Variants in SPATA13 observed in about 807,000 individuals in gnomAD.
SPATA13 encodes the protein spermatogenesis-associated protein 13.
In SPATA13, 50 loss-of-function variants were observed where a neutral mutation model predicts 104.0. The observed-to-expected ratio is 0.48, with a 90% CI of 0.38 to 0.61. The LOEUF (loss-of-function observed/expected upper bound fraction) is 0.61. Ranked by LOEUF, SPATA13 falls within the 20% of genes least tolerant of loss-of-function variation. The pLI is 0.00. For synonymous variants in SPATA13, 606 were observed against 667.5 expected, an observed-to-expected ratio of 0.91 and a Z score of 1.42; for missense variants, 1,524 against 1,690.6, an observed-to-expected ratio of 0.90 and a Z score of 1.73.
chr13:24,016,257 C>G (rs1476402062), intron 2 of SPATA13, among the ~76,000 whole-genome samples: 3 of 152,156 alleles, frequency 2.0e-5, no homozygotes, highest in African/African-American at 7.2e-5. Context: ...CTGGAGTGCT[C>G]CATCCTCCAG....
chr13:24,234,079 T>C (rs1220600), intron 2 of SPATA13, among the ~76,000 whole-genome samples: 81,147 of 151,968 alleles, frequency 0.53, 22,062 homozygotes, highest in African/African-American at 0.63. Context: ...GGGAGGTAGA[T>C]GGAATCATAC....
chr13:24,231,078 C>T (rs994729411), intron 2 of SPATA13, among the ~76,000 whole-genome samples: 18 of 152,332 alleles, frequency 1.2e-4, no homozygotes, highest in Middle Eastern at 3.4e-3. Flanking sequence ...GGCTTCCCCA[C>T]GCCTTTTACC....
chr13:24,081,513 TA>T (rs553241190), intron 3 of SPATA13, among the ~76,000 whole-genome samples: 263 of 145,766 alleles, frequency 1.8e-3, no homozygotes, highest in African/African-American at 5.8e-3. Context: ...TATTTCTTAC[TA>T]AAAAAAAAAG....
chr13:24,302,643 C>G lies in SPATA13; in HGVS notation c.3704C>G (p.Pro1235Arg). 1 of 1,613,874 alleles carries G rather than the reference C, an allele frequency of 6.2e-7. No homozygotes were observed. The highest frequency in any genetic ancestry group is 8.5e-7 in the Non-Finnish European group (1 of 1,179,878). Residue 1235 changes from proline to arginine, a missense_variant, in exon 13 of 13, where the codon CCC (proline) becomes CGC (arginine). Around this residue, in one of 2 missense-constraint regions of SPATA13, gnomAD observed 435 missense variants for 554.8 expected, o/e 0.78. Coordinates refer to ENST00000382108, the MANE Select transcript of SPATA13 (RefSeq NM_001166271.3). The part of the protein sequence containing the change: ...PVAPPHQGLH[P>R]IHQRHITMPT... ...GCCCCACCGCACCAGGGCCTGCACC[C>G]CATCCACCAGCGCCACATCACTATG...
chr13:24,063,218 C>T (rs372857664), intron 3 of SPATA13, among the ~76,000 whole-genome samples: 1 of 152,284 alleles, frequency 6.6e-6, no homozygotes, highest in African/African-American at 2.4e-5. Context: ...GCGTCTGCCT[C>T]CTCCTTGCCA....
intron 1 of SPATA13, among the ~76,000 whole-genome samples, chr13:24,170,543 A>G (rs754870372): frequency 6.6e-6 from 1 of 152,156 alleles, no homozygotes; most frequent in Non-Finnish European, 1.5e-5. Context: ...GCTTTCGTGG[A>G]AAGTCTCCTG....
Position 24,161,518 on chromosome 13 carries a change from AGTTG to A in SPATA13, c.-112+590_-112+593del, listed in dbSNP as rs1882491566. On this transcript the variant is annotated intron_variant, in intron 1 of 12. Transcript: ENST00000382108. The surrounding 1 kb of genome is among the most constrained non-coding windows in gnomAD (Gnocchi z 4.5). ...TGGACTGCAGGGAATGCATTGGCGG[AGTTG>A]GTTTGGTCCCATTCTGTGCAGGAGG... is the stretch of plus-strand genomic sequence containing the variant. 6.6e-6 allele frequency among the ~76,000 whole-genome samples: 1 copy of A among 152,182 alleles called. No individual in the cohort carries two copies. Among genetic ancestry groups the A allele is most frequent in the African/African-American group, 2.4e-5 (1 of 41,436 alleles).
intron 3 of SPATA13, among the ~76,000 whole-genome samples, chr13:24,148,259 G>A (rs1240660348): frequency 6.6e-6 from 1 of 152,104 alleles, no homozygotes; most frequent in Non-Finnish European, 1.5e-5. Flanking sequence ...TATTGTTAGG[G>A]CTCTGGTGAT....
rs76935329 is a variant in SPATA13 at position 24,136,081 on chromosome 13, G to A, written c.-111-86738G>A. Among the ~76,000 whole-genome samples the A allele has an allele frequency of 5.0e-3, 757 of 152,344 alleles. 20 individuals are homozygous for A. The East Asian group carries it at 0.085, about 17-fold the overall frequency. On this transcript the variant is annotated intron_variant, in intron 3 of 14. Coordinates refer to the SPATA13 transcript ENST00000424834. The stretch of plus-strand genomic sequence containing the variant: ...CTCAGAGAGCATGAAGCTCAGTTGG[G>A]CTGGTGTGGGAGAGAAGTTTTCCTA...
intron 2 of SPATA13, among the ~76,000 whole-genome samples, chr13:24,243,307 A>G (rs1310552273): frequency 6.6e-6 from 1 of 152,152 alleles, no homozygotes; most frequent in Non-Finnish European, 1.5e-5. Context: ...GCATGTGAAC[A>G]TATGATTCTG....
rs1382305494 is a variant in SPATA13, at chr13:24,224,441, G to A, written c.1512G>A (p.Arg504=). 4 of 1,551,722 alleles carry A rather than the reference G, an allele frequency of 2.6e-6. No homozygotes were observed. The East Asian group carries it at 7.3e-5, about 28-fold the overall frequency. ...CGAATTCAGAGGAAAGTGAAGGAAG[G>A]GCAGAAGAGCCTGCTCAGAGAGAGC... ...LSANSEESEG[R]AEEPAQREPG... Residue 504 remains arginine (R), a synonymous_variant, in exon 2 of 13, where the codon AGG becomes AGA. Transcript: ENST00000382108.
intron 4 of SPATA13, among the ~76,000 whole-genome samples, chr13:24,258,364 C>CAAAAAAAAA (rs3067220): frequency 3.1e-5 from 3 of 96,434 alleles, no homozygotes; most frequent in African/African-American, 1.2e-4. Flanking sequence ...GAGTTCATCT[C>CAAAAAAAAA]AAAAAAAAAA....
At chr13:24,037,879 C>T (rs553108576) in intron 3 of SPATA13, among the ~76,000 whole-genome samples, 1 of 152,154 alleles carries the variant, frequency 6.6e-6, no homozygotes, top group South Asian at 2.1e-4. Flanking sequence ...TTTTACTCCT[C>T]CTTTCCCCCC....
intron 3 of SPATA13, among the ~76,000 whole-genome samples, chr13:24,109,114 C>T (rs1028578088): frequency 3.9e-5 from 6 of 152,056 alleles, no homozygotes; most frequent in African/African-American, 9.7e-5. Context: ...CTCCTTTTCC[C>T]GCACCCCACA....
upstream of SPATA13, among the ~76,000 whole-genome samples, chr13:24,160,055 A>C (rs1424945651): frequency 6.6e-6 from 1 of 152,158 alleles, no homozygotes; most frequent in East Asian, 1.9e-4. Context: ...TTACTGCAAC[A>C]GTCTACTCAA....
At position 24,051,687 on chromosome 13, in the gene SPATA13, C is replaced by G. The variant is rs1878345997; in HGVS notation, c.-112+33986C>G. ...AAGGGGAAGCTGAGAAGAGATTACA[C>G]AGAGGAGATGATATGAGGCGAATCT... On this transcript the variant is annotated intron_variant, in intron 3 of 14. Coordinates refer to the SPATA13 transcript ENST00000424834. This position sits in a 1 kb window ranked among gnomAD's most constrained non-coding sequence, Gnocchi z 4.2. 6.6e-6 allele frequency among the ~76,000 whole-genome samples: 1 copy of G among 152,076 alleles called. No individual in the cohort carries two copies. The highest frequency in any genetic ancestry group is 1.5e-5 in the Non-Finnish European group (1 of 68,024).
At chr13:24,044,240 T>C (rs1878046916) in intron 3 of SPATA13, among the ~76,000 whole-genome samples, 1 of 146,576 alleles carries the variant, frequency 6.8e-6, no homozygotes, top group African/African-American at 2.5e-5. Context: ...TTTCTTTTTT[T>C]TTTTTTTTTT....
intron 3 of SPATA13, among the ~76,000 whole-genome samples, chr13:24,127,004 G>C (rs1047839291): frequency 6.6e-6 from 1 of 152,178 alleles, no homozygotes; most frequent in Non-Finnish European, 1.5e-5. Context: ...TCTAATGTGT[G>C]GTCTTATCTC....
rs575056900 is a variant in SPATA13 at position 24,049,656 on chromosome 13, G to C, written c.-112+31955G>C. Among the ~76,000 whole-genome samples the C allele has an allele frequency of 2.0e-5, 3 of 152,198 alleles. No homozygotes were observed. The East Asian group carries it at 5.8e-4, about 29-fold the overall frequency. On this transcript the variant is annotated intron_variant, in intron 3 of 14. Transcript: ENST00000424834. ...AGGGAGTCTGTAATATACATGCAAT[G>C]ATACCAACCTCAGGCTACTAAAAAC...
Sources: gnomAD v4.1 joint callset for allele counts (sites outside exome capture counted in the v4.1 genomes callset) on GRCh38, gnomAD v4.1.1 for gene constraint, gnomAD v4.1.1 regional missense constraint, Gnocchi (gnomAD v3.1) non-coding constraint, MANE v1.5 for transcripts, NCBI Gene and HGNC (gene_info 2026-07-23, HGNC 2026-07-21) for gene names.